ACYP2: variants seen among roughly 807,000 people sequenced by gnomAD.
The protein encoded by ACYP2 is acylphosphatase-2.
Under a neutral mutation model 11.2 loss-of-function variants are expected in ACYP2, and 12 were observed. The observed-to-expected ratio is 1.08, with a 90% CI of 0.69 to 1.74. The LOEUF (loss-of-function observed/expected upper bound fraction) is 1.74. ACYP2 is among the 40% of genes most tolerant of loss of function. ACYP2 has a pLI of 0.00. For synonymous variants in ACYP2, 43 were observed against 32.2 expected (o/e 1.33, Z -1.13); for missense variants, 134 against 101.9 (o/e 1.31, Z -1.35).
intron 6 of ACYP2, among the ~76,000 whole-genome samples, chr2:54,270,081 G>T (rs779728354): frequency 6.6e-6 from 1 of 152,052 alleles, no homozygotes. Context: ...ATCTCTTGAG[G>T]TTTTAATATT....
chr2:54,079,654 C>G (rs1301854210), intron 4 of ACYP2, among the ~76,000 whole-genome samples: 1 of 152,198 alleles, frequency 6.6e-6, no homozygotes, highest in Non-Finnish European at 1.5e-5. Flanking sequence ...GAGTCCATAT[C>G]AAGTGATTCC....
At chr2:54,231,497 G>A (rs1192256655) in intron 6 of ACYP2, among the ~76,000 whole-genome samples, 1 of 152,188 alleles carries the variant, frequency 6.6e-6, no homozygotes, top group South Asian at 2.1e-4. Flanking sequence ...GATGAAGAAT[G>A]AGCACGGGCT....
rs190726214 is a variant in ACYP2, at chr2:54,235,016, A to G, written c.405-69672A>G. 5.3e-5 allele frequency among the ~76,000 whole-genome samples: 8 copies of G among 152,328 alleles called. No individual in the cohort carries two copies. The East Asian group carries it at 1.5e-3, about 29-fold the overall frequency. On this transcript the variant is annotated intron_variant, in intron 6 of 6. Coordinates refer to ENST00000607452, the MANE Select transcript of ACYP2 (RefSeq NM_001320586.2). ...TTAGCATAAGTTTATTCTGATGCAA[A>G]AAACCCCTGAAATCTATGCATAGGT... is the stretch of plus-strand genomic sequence containing the variant.
chr2:54,287,652 A>C (rs1281011998), intron 6 of ACYP2, among the ~76,000 whole-genome samples: 7 of 151,972 alleles, frequency 4.6e-5, no homozygotes, highest in African/African-American at 1.5e-4. Context: ...CGCCATGCTG[A>C]AGAAGTCATG....
chr2:54,197,975 T>C (rs1386051935), intron 6 of ACYP2, among the ~76,000 whole-genome samples: 2 of 126,812 alleles, frequency 1.6e-5, no homozygotes, highest in Non-Finnish European at 3.2e-5. Flanking sequence ...TTGTATTGTA[T>C]TGTATTGTAT....
At chr2:54,190,425 T>C (rs1434303708) in intron 6 of ACYP2, among the ~76,000 whole-genome samples, 1 of 152,112 alleles carries the variant, frequency 6.6e-6, no homozygotes, top group African/African-American at 2.4e-5. Flanking sequence ...TCCCTTTCTC[T>C]CTCACTAATC....
At chr2:54,212,936 G>GT (rs1685389998) in intron 6 of ACYP2, among the ~76,000 whole-genome samples, 3 of 149,134 alleles carry the variant, frequency 2.0e-5, no homozygotes, top group South Asian at 2.1e-4. Context: ...TGTCATGGCT[G>GT]TTTTTTCTCC....
chr2:54,195,794 G>GTTTTTT lies in ACYP2; in HGVS notation c.404+57062_404+57067dup, dbSNP rs1168917459. On this transcript the variant is annotated intron_variant, in intron 6 of 6. Transcript: ENST00000607452. Reference sequence around the variant, plus strand: ...GTACATTGTCATCGTTTTGTTGTGGGTTTTTTTTTTTTTTTTTTTTTGAGA... The same window carrying GTTTTTT: ...GTACATTGTCATCGTTTTGTTGTGGGTTTTTTTTTTTTTTTTTTTTTTTTTTTGAGA... 5.9e-3 allele frequency among the ~76,000 whole-genome samples: 490 copies of GTTTTTT among 83,112 alleles called. 35 individuals are homozygous for GTTTTTT. Among genetic ancestry groups the GTTTTTT allele is most frequent in the African/African-American group, 0.022 (447 of 20,100 alleles). The allele number at this position is 83,112 out of a possible 152,430, so 54.5% of individuals were successfully genotyped here.
chr2:54,148,215 G>A (rs1298963506), intron 6 of ACYP2, among the ~76,000 whole-genome samples: 1 of 152,080 alleles, frequency 6.6e-6, no homozygotes, highest in Non-Finnish European at 1.5e-5. Flanking sequence ...CTTGCTACAA[G>A]GGAGACTGAG....
chr2:54,079,657 G>C (rs1677538501), intron 4 of ACYP2, among the ~76,000 whole-genome samples: 1 of 152,202 alleles, frequency 6.6e-6, no homozygotes. Context: ...TCCATATCAA[G>C]TGATTCCCAT....
intron 5 of ACYP2, among the ~76,000 whole-genome samples, chr2:54,136,018 C>G (rs1290058743): frequency 6.6e-6 from 1 of 152,228 alleles, no homozygotes; most frequent in African/African-American, 2.4e-5. Context: ...CTGCCTCACC[C>G]TCCCAAGTAG....
chr2:54,010,747 T>C lies in ACYP2; in HGVS notation c.62+36937T>C, dbSNP rs1260628076. Among the ~76,000 whole-genome samples the C allele has an allele frequency of 8.7e-4, 109 of 124,632 alleles. 6 individuals are homozygous for C. The highest frequency in any genetic ancestry group is 5.2e-3 in the East Asian group (25 of 4,808). The allele number at this position is 124,632 out of a possible 152,430, so 81.8% of individuals were successfully genotyped here. On this transcript the variant is annotated intron_variant, in intron 2 of 6. Coordinates refer to ENST00000607452, the MANE Select transcript of ACYP2 (RefSeq NM_001320586.2). ...TCTTTTTCTTTCTTTCTTTTTTTTT[T>C]TTTTTTTTTTTTTTTTTTGAGGCAG...
intron 6 of ACYP2, among the ~76,000 whole-genome samples, chr2:54,199,010 G>A (rs886936390): frequency 1.3e-5 from 2 of 152,160 alleles, no homozygotes; most frequent in African/African-American, 2.4e-5. Flanking sequence ...TTTTCAGCAT[G>A]GGTGCTAGGT....
intron 2 of ACYP2, among the ~76,000 whole-genome samples, chr2:54,038,922 A>G (rs1026845051): frequency 1.3e-5 from 2 of 151,878 alleles, no homozygotes; most frequent in Non-Finnish European, 2.9e-5. Context: ...GCAATTTTAG[A>G]TGGGTTAACA....
intron 6 of ACYP2, among the ~76,000 whole-genome samples, chr2:54,242,983 A>G (rs921922028): frequency 1.3e-5 from 2 of 152,220 alleles, no homozygotes; most frequent in Non-Finnish European, 2.9e-5. Flanking sequence ...CTTTGGTTAC[A>G]TCTTTTTTCT....
intron 6 of ACYP2, among the ~76,000 whole-genome samples, chr2:54,260,300 A>G (rs1292587021): frequency 1.3e-5 from 2 of 152,166 alleles, no homozygotes; most frequent in Admixed American, 6.5e-5. Flanking sequence ...AGGCAGTGGG[A>G]GTCTGAGGAC....
At chr2:54,281,006 C>T (rs542815559) in intron 6 of ACYP2, among the ~76,000 whole-genome samples, 1 of 152,152 alleles carries the variant, frequency 6.6e-6, no homozygotes, top group Non-Finnish European at 1.5e-5. Context: ...AGGAATTTAT[C>T]TCTATGAGGC....
intron 4 of ACYP2, among the ~76,000 whole-genome samples, chr2:54,133,935 G>A (rs1457055426): frequency 1.3e-5 from 2 of 152,162 alleles, no homozygotes; most frequent in African/African-American, 4.8e-5. Context: ...GACTCCTATA[G>A]TTTTGCAGGC....
At position 54,045,502 on chromosome 2, in the gene ACYP2, T is replaced by G. The variant is rs534570232; in HGVS notation, c.63-5456T>G. On this transcript the variant is annotated intron_variant, in intron 2 of 6. Coordinates refer to ENST00000607452, the MANE Select transcript of ACYP2 (RefSeq NM_001320586.2). ...TTAGGGACCAACCAAAGAGAAGGCT[T>G]GACATTGAAAACTCATAAAATTGTG... is the stretch of plus-strand genomic sequence containing the variant. Among the ~76,000 whole-genome samples, 4 of 152,248 alleles carry G rather than the reference T, an allele frequency of 2.6e-5. No individual in the cohort carries two copies. In the South Asian group the frequency reaches 8.3e-4, roughly 32 times the overall value.
Sources: gnomAD v4.1 joint callset for allele counts (sites outside exome capture counted in the v4.1 genomes callset) on GRCh38, gnomAD v4.1.1 for gene constraint, MANE v1.5 for transcripts, NCBI Gene and HGNC (gene_info 2026-07-23, HGNC 2026-07-21) for gene names.